The following AUTS2 variants were observed in gnomAD, a reference collection of about 807,000 sequenced individuals.
The protein encoded by AUTS2 is autism susceptibility gene 2 protein.
In AUTS2, 17 loss-of-function variants were observed where a neutral mutation model predicts 112.4. The observed-to-expected ratio is 0.15, with a 90% CI of 0.10 to 0.23. The LOEUF (loss-of-function observed/expected upper bound fraction) is 0.23. Among genes scored for constraint, AUTS2 ranks in the 10% least tolerant of loss-of-function variants. The probability of loss-of-function intolerance (pLI) is 1.00; values close to 1 mark genes in which losing one functional copy is unlikely to be tolerated. For missense variants in AUTS2, 1,510 were observed against 1,701.6 expected (o/e 0.89, Z 1.98); for synonymous variants, 751 against 702.7 (o/e 1.07, Z -1.09).
At chr7:70,093,492 G>T (rs1804027238) in intron 2 of AUTS2, among the ~76,000 whole-genome samples, 1 of 152,148 alleles carries the variant, frequency 6.6e-6, no homozygotes, top group African/African-American at 2.4e-5. Context: ...TTATGGACAG[G>T]CTTTGCATGA....
intron 1 of AUTS2, among the ~76,000 whole-genome samples, chr7:69,751,562 A>G (rs1346981137): frequency 6.6e-6 from 1 of 152,188 alleles, no homozygotes; most frequent in African/African-American, 2.4e-5. Context: ...AGAAGGGTAG[A>G]TGAAAGGATG....
At chr7:70,661,207 A>G (rs746807) in intron 5 of AUTS2, among the ~76,000 whole-genome samples, 26,642 of 151,802 alleles carry the variant, frequency 0.18, 3,702 homozygotes, top group East Asian at 0.57. Context: ...CAGGCAGAAC[A>G]TAGGTTGTTT....
chr7:70,290,872 C>T lies in AUTS2; in HGVS notation c.661-144880C>T, dbSNP rs146013655. On this transcript the variant is annotated intron_variant, in intron 4 of 18. Transcript: ENST00000342771. Reference sequence around the variant, plus strand: ...AAAAGTCTCCTTAGCCAAACATAATCGACAGTTAAAATAAATTTAAAATAA... The same window carrying T: ...AAAAGTCTCCTTAGCCAAACATAATTGACAGTTAAAATAAATTTAAAATAA... 95 of 164,290 alleles carry T rather than the reference C, an allele frequency of 5.8e-4. No individual in the cohort carries two copies. The East Asian group carries it at 9.2e-3, about 16-fold the overall frequency. The allele number at this position is 164,290 out of a possible 1,614,324, so 10.2% of individuals were successfully genotyped here. A position where few individuals can be genotyped will look rare whatever the true frequency, so the allele number is the denominator to read the frequency against.
chr7:70,011,251 G>A (rs775064478), intron 2 of AUTS2, among the ~76,000 whole-genome samples: 1 of 151,916 alleles, frequency 6.6e-6, no homozygotes, highest in African/African-American at 2.4e-5. Flanking sequence ...GCACTGACAT[G>A]CTTTAGGAAA....
At chr7:70,118,675 A>G (rs1048383854) in intron 3 of AUTS2, 3 of 152,780 alleles carry the variant, frequency 2.0e-5, no homozygotes, top group African/African-American at 4.8e-5. Context: ...CTACTCGGGA[A>G]GCTGAGACAG....
chr7:69,631,516 G>GT (rs1794244031), intron 1 of AUTS2, among the ~76,000 whole-genome samples: 1 of 152,216 alleles, frequency 6.6e-6, no homozygotes, highest in South Asian at 2.1e-4. Flanking sequence ...CAGCCTGGTG[G>GT]TTAGCGTGAT....
chr7:70,526,618 C>T (rs991488832), intron 5 of AUTS2, among the ~76,000 whole-genome samples: 3 of 152,112 alleles, frequency 2.0e-5, no homozygotes, highest in African/African-American at 4.8e-5. Context: ...TGCAGGGAGC[C>T]GAGATCGTGC....
At chr7:70,205,305 C>T (rs1201843972) in intron 4 of AUTS2, among the ~76,000 whole-genome samples, 4 of 152,238 alleles carry the variant, frequency 2.6e-5, no homozygotes, top group African/African-American at 9.6e-5. Flanking sequence ...GCCTCTGTCT[C>T]CTGAGTAGCT....
At chr7:70,510,620 A>G (rs1257013866) in intron 5 of AUTS2, among the ~76,000 whole-genome samples, 2 of 152,218 alleles carry the variant, frequency 1.3e-5, no homozygotes, top group South Asian at 2.1e-4. Context: ...CAGAGGCTAC[A>G]TGACATGTGA....
intron 4 of AUTS2, among the ~76,000 whole-genome samples, chr7:70,422,378 T>G (rs941922509): frequency 6.6e-6 from 1 of 152,192 alleles, no homozygotes; most frequent in African/African-American, 2.4e-5. Context: ...AGAAATACAG[T>G]TTTTTTATTT....
intron 1 of AUTS2, among the ~76,000 whole-genome samples, chr7:69,827,400 T>C (rs892927498): frequency 2.6e-5 from 4 of 151,910 alleles, no homozygotes; most frequent in Non-Finnish European, 5.9e-5. Flanking sequence ...GATGCACTTA[T>C]CCTGCGTAGA....
intron 4 of AUTS2, among the ~76,000 whole-genome samples, chr7:70,185,774 G>T (rs1256102603): frequency 6.6e-6 from 1 of 152,152 alleles, no homozygotes; most frequent in African/African-American, 2.4e-5. Flanking sequence ...ATAGGAGTTG[G>T]TGTATATGTG....
chr7:70,075,496 G>A (rs1024617018), intron 2 of AUTS2, among the ~76,000 whole-genome samples: 13 of 151,960 alleles, frequency 8.6e-5, no homozygotes, highest in Admixed American at 3.3e-4. Context: ...CTACAAATAC[G>A]TTAAAATATA....
intron 1 of AUTS2, among the ~76,000 whole-genome samples, chr7:69,820,864 C>T (rs1390352868): frequency 2.0e-5 from 3 of 152,180 alleles, no homozygotes; most frequent in Non-Finnish European, 4.4e-5. Flanking sequence ...GTAAAATCAA[C>T]TATAGAACTT....
At chr7:70,206,353 C>G (rs1364521766) in intron 4 of AUTS2, among the ~76,000 whole-genome samples, 1 of 151,928 alleles carries the variant, frequency 6.6e-6, no homozygotes, top group Non-Finnish European at 1.5e-5. Context: ...GAGAGACAGA[C>G]CTTTTCTATC....
At chr7:70,069,948 T>A (rs1398483058) in intron 2 of AUTS2, among the ~76,000 whole-genome samples, 1 of 152,040 alleles carries the variant, frequency 6.6e-6, no homozygotes, top group Non-Finnish European at 1.5e-5. Context: ...TAAAAAATAA[T>A]TTAAATATAA....
At chr7:70,726,502 C>T (rs1349011761) in intron 6 of AUTS2, among the ~76,000 whole-genome samples, 4 of 152,146 alleles carry the variant, frequency 2.6e-5, no homozygotes, top group Admixed American at 2.6e-4. Flanking sequence ...TGTTGGCCCT[C>T]TTAAAGTTCT....
intron 3 of AUTS2, among the ~76,000 whole-genome samples, chr7:70,126,052 G>A (rs575086364): frequency 2.0e-5 from 3 of 152,064 alleles, no homozygotes; most frequent in African/African-American, 4.8e-5. Context: ...TTTTGAATTG[G>A]TTAGGCCAAA....
chr7:70,211,818 C>G (rs1584882541), intron 4 of AUTS2, among the ~76,000 whole-genome samples: 2 of 151,658 alleles, frequency 1.3e-5, no homozygotes, highest in Admixed American at 6.6e-5. Flanking sequence ...AATCCCGTCT[C>G]TACTAAAAAT....
Sources: allele counts gnomAD v4.1 joint callset (sites outside exome capture counted in the v4.1 genomes callset), GRCh38; gene constraint gnomAD v4.1.1; transcripts MANE v1.5; gene names NCBI Gene and HGNC (gene_info 2026-07-23, HGNC 2026-07-21).